The following RABEP2 variants were observed in gnomAD, a reference collection of about 807,000 sequenced individuals.
The protein encoded by RABEP2 is rabaptin, RAB GTPase binding effector protein 2.
In RABEP2, 57 loss-of-function variants were observed where a neutral mutation model predicts 74.1. The ratio of observed to expected loss-of-function variants is 0.77; its 90% CI spans 0.62 to 0.96. RABEP2 has a LOEUF of 0.96. Ranked by LOEUF, RABEP2 falls within the 40% of genes least tolerant of loss-of-function variation. RABEP2 has a pLI of 0.00. For synonymous variants in RABEP2, 351 were observed against 344.0 expected (o/e 1.02, Z -0.23); for missense variants, 692 against 756.3 (o/e 0.91, Z 1.00).
At chr16:28,905,165 T>G in intron 12 of RABEP2, 121 bp from the exon 13 acceptor site, 1 of 799,198 alleles carries the variant, frequency 1.3e-6, no homozygotes, top group Non-Finnish European at 2.0e-6. Flanking sequence ...TCTAGGGGGC[T>G]GATGCCACAA....
At chr16:28,906,986 C>T (rs1357901341) in intron 8 of RABEP2, among the ~76,000 whole-genome samples, 1 of 151,740 alleles carries the variant, frequency 6.6e-6, no homozygotes, top group South Asian at 2.1e-4. Context: ...TAAAATAAAC[C>T]CTTTTGTAAA....
Position 28,914,313 on chromosome 16 carries a change from C to A in RABEP2, c.817G>T (p.Val273Phe), listed in dbSNP as rs755051909. The A allele has an allele frequency of 6.2e-7, 1 of 1,613,150 alleles. No homozygotes were observed. The highest frequency in any genetic ancestry group is 8.5e-7 in the Non-Finnish European group (1 of 1,179,986). ...TASLVSTGTL[V>F]PEGIYLPPPG... ...GGGGGCAGGTAGATGCCCTCGGGAA[C>A]CAGGGTGCCCGTAGACACCAGCGAG... The change falls in exon 5 of 13, where the codon GTT becomes TTT. Residue 273 changes from valine to phenylalanine, a missense_variant. Transcript: ENST00000358201.
chr16:28,914,976 G>A (rs1964369611), intron 3 of RABEP2, among the ~76,000 whole-genome samples, 194 bp from the exon 4 acceptor site: 1 of 151,108 alleles, frequency 6.6e-6, no homozygotes, highest in South Asian at 2.1e-4. Context: ...TAAGGGCAAG[G>A]ATGAAGGTCA....
intron 8 of RABEP2, among the ~76,000 whole-genome samples, chr16:28,907,519 G>A (rs183370685): frequency 1.7e-3 from 266 of 152,192 alleles, no homozygotes; most frequent in African/African-American, 5.9e-3. Context: ...GGCTGGTCTT[G>A]AACTCCTGGG....
intron 1 of RABEP2, chr16:28,924,852 C>A (rs989749041): frequency 1.4e-6 from 1 of 732,808 alleles, no homozygotes; most frequent in Non-Finnish European, 2.4e-6. Flanking sequence ...TCGGTCCCAC[C>A]TGGCCCCGCC....
intron 6 of RABEP2, 26 bp downstream of exon 6, chr16:28,911,058 G>C: frequency 6.2e-7 from 1 of 1,611,616 alleles, no homozygotes; most frequent in Non-Finnish European, 8.5e-7. Context: ...AGGCCGGCTG[G>C]GGCTGCAGCA....
In RABEP2 at chr16:28,911,132, G is replaced by A. The variant is rs368180769; in HGVS notation, c.942C>T (p.Asp314=). ...KDLESVSRER[D]ELQEGLRRSN... ...TCCGTCTCAGGCCCTCTTGGAGCTC[G>A]TCCCGCTCGCGACTGACGCTCTCCA... is the stretch of plus-strand genomic sequence containing the variant. The change falls in exon 6 of 13, where the codon GAC becomes GAT. Residue 314 remains aspartate (D), a synonymous_variant. Transcript: ENST00000358201. 2.5e-5 allele frequency: 40 copies of A among 1,612,804 alleles called. No homozygotes were observed. Among genetic ancestry groups the A allele is most frequent in the East Asian group, 6.7e-5 (3 of 44,868 alleles).
intron 8 of RABEP2, among the ~76,000 whole-genome samples, chr16:28,907,973 T>C (rs952649056): frequency 1.3e-5 from 2 of 152,192 alleles, no homozygotes; most frequent in African/African-American, 4.8e-5. Flanking sequence ...CTAATTTTTG[T>C]ATTTTTAGTA....
At position 28,914,447 on chromosome 16, in the gene RABEP2, C is replaced by T. The variant is rs1339306724; in HGVS notation, c.683G>A (p.Cys228Tyr). ...GGAGGAGATGGAGGCGCTGTCATCG[C>T]AGTTGTGAGCGAAGGCCTCAGCGGC... ...GPAAEAFAHN[C>Y]DDSASISSFS... The change falls in exon 5 of 13, where the codon TGC becomes TAC. Residue 228 changes from cysteine (C) to tyrosine (Y), a missense_variant. Physicochemically the swap from Cys to Tyr is radical, Grantham distance 194 (BLOSUM62 -2). Transcript: ENST00000358201. 4 of 1,613,548 alleles carry T rather than the reference C, an allele frequency of 2.5e-6. No homozygotes were observed. The highest frequency in any genetic ancestry group is 1.7e-4 in the Middle Eastern group (1 of 6,058).
Position 28,910,970 on chromosome 16 carries a change from G to A in RABEP2, c.1007C>T (p.Ala336Val), listed in dbSNP as rs753295858. 1.9e-6 allele frequency: 3 copies of A among 1,611,484 alleles called. No individual in the cohort carries two copies. In the Admixed American group the frequency reaches 5.0e-5, roughly 27 times the overall value. ...DCAKQMQVLL[A>V]QVQNSEQLLR... is the part of the protein sequence containing the mutation. ...CAGCTGCTCTGAGTTCTGGACCTGGGCCAGGAGCACCTGCATCTGGGTTGG... is the reference window on the plus strand; with the variant it reads ...CAGCTGCTCTGAGTTCTGGACCTGGACCAGGAGCACCTGCATCTGGGTTGG... The change falls in exon 7 of 13, where the codon GCC becomes GTC. Residue 336 changes from alanine (A) to valine (V), a missense_variant. Ala to Val is a moderately conservative substitution (Grantham distance 64). Transcript: ENST00000358201.
At chr16:28,911,031 G>T in intron 6 of RABEP2, 45 bp from the exon 7 acceptor site, 1 of 1,610,232 alleles carries the variant, frequency 6.2e-7, no homozygotes. Context: ...GCATGTCAGG[G>T]GGCGGCAGGT....
chr16:28,906,253 G>GGGCAGGT (rs2152217925), intron 8 of RABEP2, 57 bp from the exon 9 acceptor site: 1 of 1,489,516 alleles, frequency 6.7e-7, no homozygotes, highest in South Asian at 1.3e-5. Flanking sequence ...GGAGGGCAGG[G>GGGCAGGT]GCCACCAGCC....
At chr16:28,914,197 G>T in intron 5 of RABEP2, 39 bp downstream of exon 5, 1 of 1,500,946 alleles carries the variant, frequency 6.7e-7, no homozygotes, top group Non-Finnish European at 9.0e-7. Flanking sequence ...CAGCAGAGAG[G>T]GGGATGGTAC....
At chr16:28,921,591 T>G (rs1378916642) in intron 2 of RABEP2, among the ~76,000 whole-genome samples, 1 of 150,938 alleles carries the variant, frequency 6.6e-6, no homozygotes, top group East Asian at 1.9e-4. Context: ...GCCAAGAGGT[T>G]TGGAACTTAT....
rs774664719 is a variant in RABEP2 at position 28,905,048 on chromosome 16, C to G, written c.1609-4G>C. 50 of 1,598,768 alleles carry G rather than the reference C, an allele frequency of 3.1e-5. No individual in the cohort carries two copies. ...GGCGGATCCGCTCTAGGCGCACCTGCCGGATCGGACGAGGGGAGCAGAGTG... is the reference window on the plus strand; with the variant it reads ...GGCGGATCCGCTCTAGGCGCACCTGGCGGATCGGACGAGGGGAGCAGAGTG... On this transcript the variant is annotated splice_region_variant and splice_polypyrimidine_tract_variant and intron_variant, in intron 12 of 12. Coordinates refer to ENST00000358201, the MANE Select transcript of RABEP2 (RefSeq NM_024816.3).
intron 3 of RABEP2, among the ~76,000 whole-genome samples, chr16:28,916,673 CAA>C (rs74392921): frequency 1.1e-3 from 52 of 48,678 alleles, no homozygotes; most frequent in Admixed American, 1.4e-3. Flanking sequence ...CTCTTGTCTC[CAA>C]AAAAAAAAAA....
At chr16:28,914,176 G>A in intron 5 of RABEP2, 60 bp downstream of exon 5, 1 of 1,395,432 alleles carries the variant, frequency 7.2e-7, no homozygotes, top group Non-Finnish European at 9.6e-7. Context: ...AGGTGGTGCG[G>A]GGGAAGCATC....
intron 3 of RABEP2, among the ~76,000 whole-genome samples, chr16:28,919,304 C>T (rs776431455): frequency 2.4e-4 from 36 of 152,164 alleles, no homozygotes; most frequent in Non-Finnish European, 4.7e-4. Context: ...TACAGGTGTG[C>T]GCCGCAGGCT....
Position 28,904,990 on chromosome 16 carries a change from T to C in RABEP2, c.1663A>G (p.Met555Val), listed in dbSNP as rs1434270882. The change falls in exon 13 of 13, where the codon ATG (methionine) becomes GTG (valine). Residue 555 changes from methionine (M) to valine (V), a missense_variant. By Grantham distance (21) the Met-to-Val change is conservative (BLOSUM62 1). Coordinates refer to ENST00000358201, the MANE Select transcript of RABEP2 (RefSeq NM_024816.3). ...ACGTCCGTGAGTGGCGCCTCATCCA[T>C]GATGCTGCGCACTTGCTCCAGGGTC... Reference protein sequence around the residue: ...AETLEQVRSIMDEAPLTDVRD... With the variant: ...AETLEQVRSIVDEAPLTDVRD... 3 of 1,612,396 alleles carry C rather than the reference T, an allele frequency of 1.9e-6. No individual in the cohort carries two copies. In the Admixed American group the frequency reaches 5.0e-5, roughly 27 times the overall value.
Sources: gnomAD v4.1 joint callset for allele counts (sites outside exome capture counted in the v4.1 genomes callset) on GRCh38, gnomAD v4.1.1 for gene constraint, MANE v1.5 for transcripts, NCBI Gene and HGNC (gene_info 2026-07-23, HGNC 2026-07-21) for gene names.